The following MET variants were observed in gnomAD, a reference collection of about 807,000 sequenced individuals.
MET encodes the protein MET proto-oncogene, receptor tyrosine kinase.
Under a neutral mutation model 133.1 loss-of-function variants are expected in MET, and 48 were observed. The observed-to-expected ratio is 0.36, with a 90% confidence interval of 0.29 to 0.46. The LOEUF is 0.46. MET is among the 20% of genes least tolerant of loss of function. The probability of loss-of-function intolerance (pLI) is 1.00; values close to 1 mark genes in which losing one functional copy is unlikely to be tolerated. For synonymous variants in MET, 628 were observed against 616.5 expected, an observed-to-expected ratio of 1.02 and a Z score of -0.28; for missense variants, 1,442 against 1,695.9, an observed-to-expected ratio of 0.85 and a Z score of 2.63.
intron 1 of MET, among the ~76,000 whole-genome samples, chr7:116,688,801 C>A (rs1280164718): frequency 6.6e-6 from 1 of 152,232 alleles, no homozygotes; most frequent in East Asian, 1.9e-4. Flanking sequence ...GCACAATTGG[C>A]TTTTTCTTAT....
intron 2 of MET, among the ~76,000 whole-genome samples, chr7:116,722,786 C>G (rs1461952988): frequency 6.6e-6 from 1 of 152,110 alleles, no homozygotes; most frequent in African/African-American, 2.4e-5. Context: ...AAATTCTTTT[C>G]TTTAAGAATA....
intron 3 of MET, among the ~76,000 whole-genome samples, chr7:116,734,176 C>T (rs1327785446): frequency 6.6e-6 from 1 of 152,138 alleles, no homozygotes; most frequent in Non-Finnish European, 1.5e-5. Context: ...TTCTACAACT[C>T]GTGTTTTAGT....
intron 11 of MET, among the ~76,000 whole-genome samples, chr7:116,765,457 C>T (rs1166573602): frequency 6.6e-6 from 1 of 151,958 alleles, no homozygotes; most frequent in Non-Finnish European, 1.5e-5. Flanking sequence ...CATTCCCTGC[C>T]CTAGTTGTGA....
chr7:116,697,740 T>G (rs973752474), intron 1 of MET, among the ~76,000 whole-genome samples: 1 of 152,216 alleles, frequency 6.6e-6, no homozygotes, highest in African/African-American at 2.4e-5. Context: ...CACAACATGG[T>G]GAACTTGTCT....
chr7:116,680,412 T>A (rs958757850), intron 1 of MET, among the ~76,000 whole-genome samples: 1 of 152,066 alleles, frequency 6.6e-6, no homozygotes, highest in African/African-American at 2.4e-5. Context: ...GTTGGGAAAA[T>A]GTAGTTCAAT....
intron 2 of MET, among the ~76,000 whole-genome samples, chr7:116,715,728 G>A (rs1339526225): frequency 1.3e-5 from 2 of 152,192 alleles, no homozygotes; most frequent in Non-Finnish European, 2.9e-5. Context: ...AAGAACTGAG[G>A]TTTAGAGATC....
chr7:116,681,263 C>T (rs1326940730), intron 1 of MET, among the ~76,000 whole-genome samples: 1 of 151,998 alleles, frequency 6.6e-6, no homozygotes, highest in Non-Finnish European at 1.5e-5. Context: ...CTCCCAGGCA[C>T]TCTAAATGAA....
In MET at chr7:116,699,397, GC is replaced by G; in HGVS notation, c.315del (p.Asn106IlefsTer15). On this transcript the variant is annotated frameshift_variant, in exon 2 of 21. Transcript: ENST00000397752. LOFTEE classifies it high-confidence loss of function. ...CFPCQDCSSK[A>X]NLSGGVWKDN... ...CCCATGTCAGGACTGCAGCAGCAAA[GC>G]CAATTTATCAGGAGGTGTTTGGAAA... The G allele has an allele frequency of 6.2e-7, 1 of 1,614,038 alleles. No homozygotes were observed. The highest frequency in any genetic ancestry group is 8.5e-7 in the Non-Finnish European group (1 of 1,179,938).
At chr7:116,715,956 G>A (rs1365483013) in intron 2 of MET, among the ~76,000 whole-genome samples, 1 of 152,152 alleles carries the variant, frequency 6.6e-6, no homozygotes, top group Non-Finnish European at 1.5e-5. Flanking sequence ...CAATAGAAGA[G>A]AGTATAAGAA....
chr7:116,721,190 C>T (rs1475083268), intron 2 of MET, among the ~76,000 whole-genome samples: 1 of 152,196 alleles, frequency 6.6e-6, no homozygotes, highest in Non-Finnish European at 1.5e-5. Flanking sequence ...TTCACAGATT[C>T]TACTTCTTCC....
At chr7:116,686,514 ATTG>A (rs1341305791) in intron 1 of MET, among the ~76,000 whole-genome samples, 1 of 152,174 alleles carries the variant, frequency 6.6e-6, no homozygotes, top group Non-Finnish European at 1.5e-5. Flanking sequence ...ATGGGTATTA[ATTG>A]TTGTCCCCAG....
At chr7:116,720,081 A>G (rs1027442439) in intron 2 of MET, among the ~76,000 whole-genome samples, 1 of 152,236 alleles carries the variant, frequency 6.6e-6, no homozygotes, top group African/African-American at 2.4e-5. Flanking sequence ...TACCTTGGGC[A>G]GTATGGCCAT....
intron 2 of MET, among the ~76,000 whole-genome samples, chr7:116,713,083 G>A (rs1202975894): frequency 6.6e-6 from 1 of 152,168 alleles, no homozygotes; most frequent in Non-Finnish European, 1.5e-5. Flanking sequence ...ATGATTTCAA[G>A]TTGAAAATGA....
At chr7:116,681,857 T>G (rs1485712615) in intron 1 of MET, among the ~76,000 whole-genome samples, 1 of 152,212 alleles carries the variant, frequency 6.6e-6, no homozygotes, top group Non-Finnish European at 1.5e-5. Flanking sequence ...CCTTAGCTAT[T>G]GTTGTTTTTA....
chr7:116,778,994 G>A (rs1584961463), intron 17 of MET, 37 bp downstream of exon 17: 1 of 1,607,686 alleles, frequency 6.2e-7, no homozygotes, highest in Non-Finnish European at 8.5e-7. Flanking sequence ...TGGCAAACTA[G>A]CTGTAAGCCA....
At chr7:116,732,024 T>A (rs2116786473) in intron 3 of MET, 165 bp downstream of exon 3, 1 of 706,170 alleles carries the variant, frequency 1.4e-6, no homozygotes, top group Non-Finnish European at 2.5e-6. Context: ...CTACTTTCTG[T>A]TAAATGTGTG....
At chr7:116,790,140 T>G (rs1795438887) in intron 19 of MET, among the ~76,000 whole-genome samples, 1 of 152,230 alleles carries the variant, frequency 6.6e-6, no homozygotes, top group African/African-American at 2.4e-5. Context: ...TCTTGTTCCT[T>G]TTTATGGCTG....
intron 5 of MET, among the ~76,000 whole-genome samples, chr7:116,742,350 T>C (rs1381623174): frequency 6.6e-6 from 1 of 152,268 alleles, no homozygotes; most frequent in East Asian, 1.9e-4. Flanking sequence ...TATACTGTAG[T>C]ATTTGTGTAC....
chr7:116,686,660 G>T (rs1255832364), intron 1 of MET, among the ~76,000 whole-genome samples: 6 of 152,332 alleles, frequency 3.9e-5, no homozygotes, highest in Non-Finnish European at 7.4e-5. Flanking sequence ...ATAGACAAAA[G>T]TGATATTGGA....
Sources: allele counts gnomAD v4.1 joint callset (sites outside exome capture counted in the v4.1 genomes callset), GRCh38; gene constraint gnomAD v4.1.1; transcripts MANE v1.5; gene names NCBI Gene and HGNC (gene_info 2026-07-23, HGNC 2026-07-21).